CNTN1: variants seen among roughly 807,000 people sequenced by gnomAD.
CNTN1 encodes contactin-1.
Under a neutral mutation model 126.4 loss-of-function variants are expected in CNTN1, and 38 were observed. The ratio of observed to expected loss-of-function variants is 0.30; its 90% CI spans 0.23 to 0.39. The LOEUF is 0.39. CNTN1 is among the 10% of genes least tolerant of loss of function. CNTN1 has a pLI of 1.00. For synonymous variants in CNTN1, 413 were observed against 422.6 expected (o/e 0.98, Z 0.28); for missense variants, 1,009 against 1,248.4 (o/e 0.81, Z 2.89).
intron 1 of CNTN1, among the ~76,000 whole-genome samples, chr12:40,905,934 A>C (rs554139339): frequency 6.6e-6 from 1 of 152,306 alleles, no homozygotes; most frequent in South Asian, 2.1e-4. Context: ...TCAAAATAAA[A>C]AGCTAAAAAT....
intron 23 of CNTN1, among the ~76,000 whole-genome samples, chr12:41,069,046 C>G (rs750501051): frequency 9.9e-5 from 15 of 152,120 alleles, no homozygotes; most frequent in Non-Finnish European, 2.2e-4. Flanking sequence ...TAGTTGTGGA[C>G]ATTGGGAAGA....
chr12:40,838,825 T>C (rs1470884698), intron 1 of CNTN1, among the ~76,000 whole-genome samples: 2 of 152,100 alleles, frequency 1.3e-5, no homozygotes, highest in Non-Finnish European at 2.9e-5. Context: ...TTACACCATA[T>C]GTGCAGATAT....
chr12:40,932,695 A>T (rs1945932458), intron 7 of CNTN1, among the ~76,000 whole-genome samples: 1 of 151,940 alleles, frequency 6.6e-6, no homozygotes. Context: ...TTTGCCTCAG[A>T]GTGCTATAGC....
intron 1 of CNTN1, among the ~76,000 whole-genome samples, chr12:40,735,106 T>C (rs535508558): frequency 1.3e-5 from 2 of 152,254 alleles, no homozygotes; most frequent in Non-Finnish European, 2.9e-5. Flanking sequence ...TCAAAGGATA[T>C]TTTGTTCATT....
intron 1 of CNTN1, among the ~76,000 whole-genome samples, chr12:40,861,569 A>G (rs1341689751): frequency 1.3e-5 from 2 of 151,982 alleles, no homozygotes; most frequent in East Asian, 3.9e-4. Flanking sequence ...CCCTTGAAAT[A>G]CTGCTGGATT....
At chr12:40,804,030 T>G (rs1940752563) in intron 1 of CNTN1, among the ~76,000 whole-genome samples, 1 of 151,964 alleles carries the variant, frequency 6.6e-6, no homozygotes, top group South Asian at 2.1e-4. Context: ...TAGGCTAATT[T>G]ATCTAGTTCC....
intron 1 of CNTN1, among the ~76,000 whole-genome samples, chr12:40,756,463 T>C (rs556561553): frequency 9.2e-5 from 14 of 152,242 alleles, no homozygotes; most frequent in South Asian, 2.1e-4. Context: ...GCCATGTGTA[T>C]AGCTATTGGA....
chr12:40,906,406 T>C (rs906126638), intron 1 of CNTN1, among the ~76,000 whole-genome samples: 1 of 152,184 alleles, frequency 6.6e-6, no homozygotes, highest in African/African-American at 2.4e-5. Context: ...AGGAAAAATA[T>C]GTTTATCCTG....
intron 1 of CNTN1, among the ~76,000 whole-genome samples, chr12:40,744,432 G>A (rs1938095200): frequency 6.6e-6 from 1 of 152,062 alleles, no homozygotes; most frequent in Admixed American, 6.6e-5. Flanking sequence ...CTGGTGTGTT[G>A]TGATGGGAAA....
At chr12:40,771,816 A>C (rs1431563594) in intron 1 of CNTN1, among the ~76,000 whole-genome samples, 15 of 152,062 alleles carry the variant, frequency 9.9e-5, no homozygotes, top group South Asian at 4.1e-4. Flanking sequence ...TTATTTAATA[A>C]TATCAATTTT....
chr12:40,904,537 TC>T (rs1944743002), intron 1 of CNTN1, among the ~76,000 whole-genome samples: 1 of 152,080 alleles, frequency 6.6e-6, no homozygotes, highest in African/African-American at 2.4e-5. Flanking sequence ...CAAGCAATTC[TC>T]CTGCTTCAGC....
At chr12:40,803,279 C>A (rs1940721893) in intron 1 of CNTN1, among the ~76,000 whole-genome samples, 1 of 151,942 alleles carries the variant, frequency 6.6e-6, no homozygotes, top group Non-Finnish European at 1.5e-5. Flanking sequence ...CAGGCTTTAT[C>A]TTCAACATTG....
chr12:40,922,864 G>A (rs1158827108), intron 5 of CNTN1, among the ~76,000 whole-genome samples: 1 of 151,584 alleles, frequency 6.6e-6, no homozygotes, highest in Non-Finnish European at 1.5e-5. Flanking sequence ...CCAGCTACTC[G>A]GGAGGCTGAG....
chr12:40,739,133 T>G (rs984719556), intron 1 of CNTN1, among the ~76,000 whole-genome samples: 3 of 152,004 alleles, frequency 2.0e-5, no homozygotes, highest in African/African-American at 7.2e-5. Context: ...GCAGTGGAGC[T>G]TAAGAACCCA....
chr12:41,001,847 G>T (rs999512801), intron 17 of CNTN1, among the ~76,000 whole-genome samples: 1 of 152,178 alleles, frequency 6.6e-6, no homozygotes, highest in Non-Finnish European at 1.5e-5. Flanking sequence ...CATATGGCTT[G>T]CCAGTTATCC....
chr12:40,805,047 C>T (rs963148165), intron 1 of CNTN1, among the ~76,000 whole-genome samples: 56 of 151,970 alleles, frequency 3.7e-4, no homozygotes, highest in Non-Finnish European at 6.8e-4. Context: ...CCTTGGTGCA[C>T]AATACAATTT....
chr12:41,067,885 G>T (rs1950080509), intron 23 of CNTN1, among the ~76,000 whole-genome samples: 3 of 152,066 alleles, frequency 2.0e-5, no homozygotes, highest in African/African-American at 7.2e-5. Flanking sequence ...ATAATGTGTG[G>T]TCTGTGGCAT....
At chr12:40,769,359 AAT>A (rs1366950158) in intron 1 of CNTN1, among the ~76,000 whole-genome samples, 2 of 152,200 alleles carry the variant, frequency 1.3e-5, no homozygotes, top group Non-Finnish European at 2.9e-5. Context: ...ACATGATGTT[AAT>A]GTTATTAAAT....
chr12:40,947,817 A>AT (rs1370094102), intron 14 of CNTN1, among the ~76,000 whole-genome samples: 2 of 149,382 alleles, frequency 1.3e-5, no homozygotes, highest in Non-Finnish European at 3.0e-5. Context: ...ACACACACAC[A>AT]CACACACACA....
Sources: gnomAD v4.1 joint callset for allele counts (sites outside exome capture counted in the v4.1 genomes callset) on GRCh38, gnomAD v4.1.1 for gene constraint, MANE v1.5 for transcripts, NCBI Gene and HGNC (gene_info 2026-07-23, HGNC 2026-07-21) for gene names.